The following KDM6B variants were observed in gnomAD, a reference collection of about 807,000 sequenced individuals.
KDM6B encodes lysine-specific demethylase 6B.
A neutral mutation model predicts 150.4 loss-of-function variants in KDM6B; 22 were observed. The observed-to-expected ratio is 0.15, with a 90% confidence interval of 0.10 to 0.21. The LOEUF (loss-of-function observed/expected upper bound fraction) is 0.21, where lower values mean the gene tolerates loss of function less well. Ranked by LOEUF, KDM6B falls within the 10% of genes least tolerant of loss-of-function variation. The pLI is 1.00. For missense variants in KDM6B, 1,984 were observed against 2,234.3 expected, an observed-to-expected ratio of 0.89 and a Z score of 2.26; for synonymous variants, 1,148 against 921.1, an observed-to-expected ratio of 1.25 and a Z score of -4.46.
intron 2 of KDM6B, among the ~76,000 whole-genome samples, chr17:7,842,128 C>T (rs909163484): frequency 3.0e-4 from 46 of 152,352 alleles, no homozygotes; most frequent in Middle Eastern, 3.4e-3. Flanking sequence ...TCCCGCGCGG[C>T]TGCGGCGCTG....
Position 7,845,583 on chromosome 17 carries a change from C to T in KDM6B, c.29C>T (p.Ala10Val), listed in dbSNP as rs145441642. 39 of 1,614,026 alleles carry T rather than the reference C, an allele frequency of 2.4e-5. No homozygotes were observed. Among genetic ancestry groups the T allele is most frequent in the Non-Finnish European group, 2.7e-5 (32 of 1,180,036 alleles). The change falls in exon 5 of 24, where the codon GCC becomes GTC. Residue 10 changes from alanine (A) to valine (V), a missense_variant. Coordinates refer to ENST00000448097, the MANE Select transcript of KDM6B (RefSeq NM_001348716.2). MHRAVDPPG[A>V]RAAREAFALG... Reference sequence around the variant, plus strand: ...CATCGGGCAGTGGACCCTCCAGGGGCCCGCGCTGCACGGGAAGCCTTTGCC... The same window carrying T: ...CATCGGGCAGTGGACCCTCCAGGGGTCCGCGCTGCACGGGAAGCCTTTGCC...
intron 2 of KDM6B, among the ~76,000 whole-genome samples, chr17:7,842,224 CG>C (rs1226192117): frequency 7.3e-6 from 1 of 136,942 alleles, no homozygotes; most frequent in East Asian, 2.3e-4. Flanking sequence ...CCAGCGGGGG[CG>C]GGGGGTAGGG....
rs1167596951 is a variant in KDM6B, at chr17:7,851,367, C to G, written c.3917C>G (p.Pro1306Arg). The change falls in exon 16 of 24, where the codon CCA becomes CGA. Residue 1306 changes from proline to arginine, a missense_variant. Transcript: ENST00000448097. ...KESEDEESEE[P>R]DSTTGTPPSS... ...AGTGAGGATGAGGAGTCAGAGGAGC[C>G]AGACAGCACCACTGGAACCCCTCCT... 4 of 1,614,060 alleles carry G rather than the reference C, an allele frequency of 2.5e-6. No homozygotes were observed. Among genetic ancestry groups the G allele is most frequent in the Non-Finnish European group, 1.7e-6 (2 of 1,180,042 alleles).
intron 5 of KDM6B, 32 bp downstream of exon 5, chr17:7,845,723 C>T (rs750687834): frequency 1.1e-5 from 17 of 1,613,924 alleles, no homozygotes; most frequent in Non-Finnish European, 1.3e-5. Flanking sequence ...TCTCCAGGCA[C>T]ACCTCTTTCC....
At chr17:7,838,872 AAGG>A (rs2078373450) in intron 1 of KDM6B, among the ~76,000 whole-genome samples, 1 of 152,020 alleles carries the variant, frequency 6.6e-6, no homozygotes, top group African/African-American at 2.4e-5. Context: ...CTGGCTTAGG[AAGG>A]AGGCCTTGGT....
In KDM6B at chr17:7,845,864, C is replaced by G. The variant is rs760390118; in HGVS notation, c.138-8C>G. 88 of 1,612,240 alleles carry G rather than the reference C, an allele frequency of 5.5e-5. No homozygotes were observed. The highest frequency in any genetic ancestry group is 7.0e-5 in the Non-Finnish European group (82 of 1,178,394). On this transcript the variant is annotated splice_region_variant and splice_polypyrimidine_tract_variant and intron_variant, in intron 5 of 23. Transcript: ENST00000448097. ...TTGCCGTATATAACAGACTCCTTCTCTCTCCAGATGCTCAGCCAGCATTGG... is the reference window on the plus strand; with the variant it reads ...TTGCCGTATATAACAGACTCCTTCTGTCTCCAGATGCTCAGCCAGCATTGG...
Position 7,844,992 on chromosome 17 carries a change from C to A in KDM6B, c.-177C>A. On this transcript the variant is annotated 5_prime_UTR_variant, in exon 3 of 24. Coordinates refer to ENST00000448097, the MANE Select transcript of KDM6B (RefSeq NM_001348716.2). The surrounding 1 kb of genome is among the most constrained non-coding windows in gnomAD (Gnocchi z 5.9). ...GCCAGATCTCTGGAGCTTGCCGACG[C>A]GGTGTGAGGACGCTCCCACGGAGGC... 2.9e-5 allele frequency: 5 copies of A among 175,202 alleles called. No homozygotes were observed. The highest frequency in any genetic ancestry group is 2.2e-4 in the South Asian group (2 of 8,968). The allele number at this position is 175,202 out of a possible 1,614,324, so 10.9% of individuals were successfully genotyped here.
At position 7,846,394 on chromosome 17, in the gene KDM6B, C is replaced by T. The variant is rs776452737; in HGVS notation, c.457-6C>T. 7 of 1,585,372 alleles carry T rather than the reference C, an allele frequency of 4.4e-6. No individual in the cohort carries two copies. The Admixed American group carries it at 7.1e-5, about 16-fold the overall frequency. On this transcript the variant is annotated splice_region_variant and splice_polypyrimidine_tract_variant and intron_variant, in intron 7 of 23. Coordinates refer to ENST00000448097, the MANE Select transcript of KDM6B (RefSeq NM_001348716.2). ...CTGCCCCTGCCCCGTGTCCCCCCAC[C>T]CCCAGGCCCAGCTCTGGAACTTTCA...
intron 9 of KDM6B, 37 bp from the exon 10 acceptor site, chr17:7,846,782 C>G: frequency 1.2e-6 from 2 of 1,613,858 alleles, no homozygotes; most frequent in Non-Finnish European, 1.7e-6. Flanking sequence ...GTAGGCAGGA[C>G]TTGGGAATGG....
chr17:7,852,211 A>G lies in KDM6B; in HGVS notation c.4343A>G (p.Asn1448Ser). Residue 1448 changes from asparagine to serine, a missense_variant, in exon 20 of 24, where the codon AAT becomes AGT. Around this residue, in one of 13 missense-constraint regions of KDM6B, gnomAD observed 41 missense variants for 158.8 expected, o/e 0.26. Transcript: ENST00000448097. ...ATCCTGGATGATCTCTATGCATCCA[A>G]TATTCCTGTGTACCGCTTCGTGCAG... Reference protein sequence around the residue: ...WPILDDLYASNIPVYRFVQRP... With the variant: ...WPILDDLYASSIPVYRFVQRP... The G allele has an allele frequency of 3.7e-6, 6 of 1,614,118 alleles. No homozygotes were observed. The highest frequency in any genetic ancestry group is 1.1e-5 in the South Asian group (1 of 91,086).
rs772696640 is a variant in KDM6B at position 7,848,201 on chromosome 17, C to G, written c.1913C>G (p.Pro638Arg). The G allele has an allele frequency of 1.2e-6, 2 of 1,611,586 alleles. No individual in the cohort carries two copies. The highest frequency in any genetic ancestry group is 1.7e-4 in the Middle Eastern group (1 of 5,970). ...CCCAGGGTCTCCTTCCCAAAGACCC[C>G]CGAGGTGGGGCCGGGGCCACCCCCA... ...PRPRVSFPKT[P>R]EVGPGPPPGP... The change falls in exon 12 of 24, where the codon CCC (proline) becomes CGC (arginine). Residue 638 changes from proline to arginine, a missense_variant. Pro to Arg is a moderately radical substitution (Grantham distance 103). Transcript: ENST00000448097.
chr17:7,845,237 C>T (rs972771393), intron 3 of KDM6B, 77 bp from the exon 4 acceptor site: 5 of 512,988 alleles, frequency 9.7e-6, no homozygotes, highest in Admixed American at 9.6e-5. Context: ...TGGTGGATGC[C>T]ACAGTCCGCC....
At chr17:7,838,656 GTC>G (rs1454057092) in intron 1 of KDM6B, among the ~76,000 whole-genome samples, 1 of 133,542 alleles carries the variant, frequency 7.5e-6, no homozygotes, top group Non-Finnish European at 1.6e-5. Context: ...CTGTCCTAAA[GTC>G]TGCCCACTCT....
At chr17:7,849,979 C>T (rs2078659308) in intron 13 of KDM6B, 32 bp downstream of exon 13, 5 of 1,613,604 alleles carry the variant, frequency 3.1e-6, no homozygotes, top group South Asian at 1.1e-5. Flanking sequence ...AGAACCACCC[C>T]TGCCAGAGGG....
intron 2 of KDM6B, among the ~76,000 whole-genome samples, chr17:7,842,323 T>G (rs1342357467): frequency 6.6e-6 from 1 of 152,040 alleles, no homozygotes; most frequent in African/African-American, 2.4e-5. Flanking sequence ...GGGTGTGGCC[T>G]CGGCGGGAGC....
Position 7,847,847 on chromosome 17 carries a change from C to A in KDM6B, c.1559C>A (p.Pro520His). The A allele has an allele frequency of 6.4e-7, 1 of 1,566,098 alleles. No homozygotes were observed. The highest frequency in any genetic ancestry group is 8.6e-7 in the Non-Finnish European group (1 of 1,156,220). ...CCCCGCCCTGCCCCACCACCCCTCC[C>A]CCATCGCGAGGGCTTCTTGGGGCCT... is the stretch of plus-strand genomic sequence containing the variant. Reference protein sequence around the residue: ...GPPRPAPPPLPHREGFLGPPA... With the variant: ...GPPRPAPPPLHHREGFLGPPA... The change falls in exon 12 of 24, where the codon CCC becomes CAC. Residue 520 changes from proline to histidine, a missense_variant. Pro to His is a moderately conservative substitution (Grantham distance 77). This residue lies in a region of KDM6B where 1,379 missense variants were observed against 1,275.6 expected (regional missense o/e 1.08). Coordinates refer to ENST00000448097, the MANE Select transcript of KDM6B (RefSeq NM_001348716.2).
In KDM6B at chr17:7,845,687, G is replaced by A. The variant is rs2078517965; in HGVS notation, c.133G>A (p.Gly45Ser). 11 of 1,614,130 alleles carry A rather than the reference G, an allele frequency of 6.8e-6. No individual in the cohort carries two copies. The highest frequency in any genetic ancestry group is 9.3e-6 in the Non-Finnish European group (11 of 1,180,022). The change falls in exon 5 of 24, where the codon GGC (glycine) becomes AGC (serine). Residue 45 changes from glycine (G) to serine (S), a missense_variant. Physicochemically the swap from Gly to Ser is moderately conservative, Grantham distance 56. Coordinates refer to ENST00000448097, the MANE Select transcript of KDM6B (RefSeq NM_001348716.2). ...PPPRSAWLPG[G>S]RCSASIGQPP... ...TCCTCGTAGCGCATGGCTGCCTGGA[G>A]GCAGGTGAGAAGTTGGGGCCCTCTG... is the stretch of plus-strand genomic sequence containing the variant.
At position 7,848,100 on chromosome 17, in the gene KDM6B, T is replaced by G; in HGVS notation, c.1812T>G (p.Leu604=). 6.2e-7 allele frequency: 1 copy of G among 1,612,444 alleles called. No individual in the cohort carries two copies. ...ACCCACCTCTTGTACCCCTGACTCT[T>G]GCCCTGCCTCCAGCCCCTCCTTCCT... is the stretch of plus-strand genomic sequence containing the variant. The part of the protein sequence containing the change: ...PQDPPLVPLT[L]ALPPAPPSSC... The change falls in exon 12 of 24, where the codon CTT becomes CTG. Residue 604 remains leucine, a synonymous_variant. Transcript: ENST00000448097.
chr17:7,852,258 A>G lies in KDM6B; in HGVS notation c.4390A>G (p.Ile1464Val). The G allele has an allele frequency of 6.2e-7, 1 of 1,614,048 alleles. No individual in the cohort carries two copies. Among genetic ancestry groups the G allele is most frequent in the Non-Finnish European group, 8.5e-7 (1 of 1,180,016 alleles). Residue 1464 changes from isoleucine to valine, a missense_variant, in exon 20 of 24, where the codon ATT becomes GTT. Physicochemically the swap from Ile to Val is conservative, Grantham distance 29. This residue lies in a region of KDM6B where 41 missense variants were observed against 158.8 expected (regional missense o/e 0.26). Transcript: ENST00000448097. ...FVQRPGDLVW[I>V]NAGTVHWVQA... ...GCAGCGACCCGGAGACCTCGTGTGG[A>G]TTAATGCGGGGACTGTGCACTGGGT...
Sources: gnomAD v4.1 joint callset for allele counts (sites outside exome capture counted in the v4.1 genomes callset) on GRCh38, gnomAD v4.1.1 for gene constraint, gnomAD v4.1.1 regional missense constraint, Gnocchi (gnomAD v3.1) non-coding constraint, MANE v1.5 for transcripts, NCBI Gene and HGNC (gene_info 2026-07-23, HGNC 2026-07-21) for gene names.